Variants in SSC4D observed in about 807,000 individuals in gnomAD.
SSC4D encodes scavenger receptor cysteine-rich domain-containing group B protein.
In SSC4D, 57 loss-of-function variants were observed where a neutral mutation model predicts 63.4. The ratio of observed to expected loss-of-function variants is 0.90; its 90% CI spans 0.73 to 1.12. SSC4D has a LOEUF of 1.12. Ranked by LOEUF, SSC4D falls within the 50% of genes most tolerant of loss-of-function variation. The pLI, the probability that SSC4D is intolerant of heterozygous loss-of-function variation, is 0.00. For synonymous variants in SSC4D, 352 were observed against 345.4 expected (o/e 1.02, Z -0.21); for missense variants, 791 against 806.4 (o/e 0.98, Z 0.23).
intron 1 of SSC4D, among the ~76,000 whole-genome samples, chr7:76,405,271 T>TTTTA (rs1287607628): frequency 4.4e-3 from 40 of 9,132 alleles, no homozygotes; most frequent in East Asian, 7.8e-3. Flanking sequence ...ACCCAGCTAA[T>TTTTA]TATATATATA....
At chr7:76,404,728 C>G (rs1379234266) in intron 1 of SSC4D, among the ~76,000 whole-genome samples, 2 of 151,746 alleles carry the variant, frequency 1.3e-5, no homozygotes, top group South Asian at 2.1e-4. Context: ...CCCAGGAGAT[C>G]GAGATATAGC....
intron 4 of SSC4D, among the ~76,000 whole-genome samples, chr7:76,399,716 T>G (rs1804753564): frequency 6.6e-6 from 1 of 151,982 alleles, no homozygotes; most frequent in Non-Finnish European, 1.5e-5. Flanking sequence ...TTCGTAGAGA[T>G]AAGGTACTAT....
rs1804560148 is a variant in SSC4D, at chr7:76,393,734, C to T, written c.1022-18G>A. 2 of 1,414,588 alleles carry T rather than the reference C, an allele frequency of 1.4e-6. No individual in the cohort carries two copies. Among genetic ancestry groups the T allele is most frequent in the Non-Finnish European group, 1.8e-6 (2 of 1,089,360 alleles). The allele number at this position is 1,414,588 out of a possible 1,614,324, so 87.6% of individuals were successfully genotyped here. A position where few individuals can be genotyped will look rare whatever the true frequency, so the allele number is the denominator to read the frequency against. ...CCGTCCACCTGCGGGGCGCACAGGC[C>T]CGCGGCCAGAGGGGCTGGGCTGGGG... is the stretch of plus-strand genomic sequence containing the variant. On this transcript the variant is annotated intron_variant, in intron 8 of 10. Coordinates refer to ENST00000275560, the MANE Select transcript of SSC4D (RefSeq NM_080744.2).
In SSC4D at chr7:76,400,388, C is replaced by T. The variant is rs749063727; in HGVS notation, c.373G>A (p.Val125Met). 8.1e-6 allele frequency: 13 copies of T among 1,597,012 alleles called. No homozygotes were observed. The Admixed American group carries it at 1.0e-4, about 13-fold the overall frequency. Residue 125 changes from valine (V) to methionine (M), a missense_variant, in exon 4 of 11, where the codon GTG becomes ATG. By Grantham distance (21) the Val-to-Met change is conservative. Transcript: ENST00000275560. ...QGRGPILLDNVECRGQEAALS... is the reference protein window; with the variant it reads ...QGRGPILLDNMECRGQEAALS... ...GCAGCTTCCTGCCCGCGGCACTCCA[C>T]GTTGTCCAGCAGGATGGGGCCTCGG...
At chr7:76,395,169 C>T (rs1408407562) in intron 7 of SSC4D, 84 bp downstream of exon 7, 3 of 1,528,150 alleles carry the variant, frequency 2.0e-6, no homozygotes, top group Non-Finnish European at 2.7e-6. Flanking sequence ...GGGCCCCCGC[C>T]TGTGAATCCA....
At chr7:76,407,583 A>G (rs575510264) in intron 1 of SSC4D, among the ~76,000 whole-genome samples, 1 of 152,168 alleles carries the variant, frequency 6.6e-6, no homozygotes, top group East Asian at 1.9e-4. Context: ...CTAAAAAACA[A>G]TTAGCTGGGC....
intron 1 of SSC4D, among the ~76,000 whole-genome samples, chr7:76,407,915 A>G (rs773947915): frequency 6.6e-6 from 1 of 152,044 alleles, no homozygotes; most frequent in Non-Finnish European, 1.5e-5. Context: ...AAGCTGGTTT[A>G]GAGGCTGATG....
rs1221149157 is a variant in SSC4D at position 76,393,589 on chromosome 7, G to A, written c.1149C>T (p.Arg383=). 2 of 1,508,904 alleles carry A rather than the reference G, an allele frequency of 1.3e-6. No homozygotes were observed. Among genetic ancestry groups the A allele is most frequent in the Non-Finnish European group, 1.8e-6 (2 of 1,135,262 alleles). 93.5% of individuals were successfully genotyped at this position (1,508,904 alleles called of 1,614,324 possible). Residue 383 remains arginine, a synonymous_variant, in exon 9 of 11, where the codon CGC becomes CGT. Coordinates refer to ENST00000275560, the MANE Select transcript of SSC4D (RefSeq NM_080744.2). The stretch of plus-strand genomic sequence containing the variant: ...CCAGCGCAGGCCCGCAGCCCGCTTC[G>A]CGGCAGGCCACGCGCGCGTCCGCAA... The part of the protein sequence containing the change: ...WDFADARVAC[R]EAGCGPALGA...
At chr7:76,408,090 C>T (rs533673659) in intron 1 of SSC4D, among the ~76,000 whole-genome samples, 12 of 152,164 alleles carry the variant, frequency 7.9e-5, no homozygotes, top group South Asian at 4.1e-4. Flanking sequence ...TTGTAGGAGG[C>T]GGCGGTAGAG....
intron 10 of SSC4D, 138 bp from the exon 11 acceptor site, chr7:76,390,513 G>T: frequency 1.3e-6 from 1 of 790,130 alleles, no homozygotes; most frequent in Non-Finnish European, 1.9e-6. Context: ...GCAGACACAT[G>T]AAATTAAAGT....
chr7:76,392,898 G>A (rs569771540), intron 9 of SSC4D, among the ~76,000 whole-genome samples: 1 of 152,206 alleles, frequency 6.6e-6, no homozygotes, highest in African/African-American at 2.4e-5. Context: ...CTAGCCCTGG[G>A]GCACCAAATG....
chr7:76,399,318 C>T (rs554771583), intron 4 of SSC4D, among the ~76,000 whole-genome samples: 1 of 152,108 alleles, frequency 6.6e-6, no homozygotes, highest in East Asian at 1.9e-4. Flanking sequence ...CAGCCTGAAG[C>T]ACAGTTCTTA....
At chr7:76,407,047 A>G (rs6465120) in intron 1 of SSC4D, among the ~76,000 whole-genome samples, 83,828 of 151,628 alleles carry the variant, frequency 0.55, 24,398 homozygotes, top group African/African-American at 0.73. Flanking sequence ...TGCAACCTCC[A>G]CCTCCTGGGT....
intron 10 of SSC4D, among the ~76,000 whole-genome samples, chr7:76,391,693 T>C (rs934631955): frequency 6.6e-6 from 1 of 152,114 alleles, no homozygotes; most frequent in African/African-American, 2.4e-5. Flanking sequence ...ATATTCTGAA[T>C]TTTTTCATTG....
chr7:76,404,739 C>T (rs1049286801), intron 1 of SSC4D, among the ~76,000 whole-genome samples: 1 of 150,964 alleles, frequency 6.6e-6, no homozygotes, highest in African/African-American at 2.4e-5. Flanking sequence ...GAGATATAGC[C>T]TGGGTAACAT....
intron 4 of SSC4D, among the ~76,000 whole-genome samples, chr7:76,399,510 A>G (rs35078049): frequency 0.18 from 27,795 of 151,840 alleles, 2,990 homozygotes; most frequent in East Asian, 0.32. Context: ...CGTGGAGCGC[A>G]TGGCCAGTGT....
intron 1 of SSC4D, among the ~76,000 whole-genome samples, chr7:76,407,957 G>C (rs968188536): frequency 1.3e-5 from 2 of 152,178 alleles, no homozygotes; most frequent in Non-Finnish European, 2.9e-5. Flanking sequence ...ATAGGAGGCA[G>C]AGAGGAAGGA....
chr7:76,394,384 G>C (rs1278514187), intron 7 of SSC4D, among the ~76,000 whole-genome samples: 1 of 150,970 alleles, frequency 6.6e-6, no homozygotes, highest in Non-Finnish European at 1.5e-5. Flanking sequence ...TGCTAGGACT[G>C]GTGCGACCCA....
chr7:76,405,315 A>T (rs1446200293), intron 1 of SSC4D, among the ~76,000 whole-genome samples: 315 of 30,374 alleles, frequency 0.01, 33 homozygotes, highest in African/African-American at 0.054. Flanking sequence ...ATATATATAT[A>T]TGTATTTTTT....
Sources: gnomAD v4.1 joint callset for allele counts (sites outside exome capture counted in the v4.1 genomes callset) on GRCh38, gnomAD v4.1.1 for gene constraint, MANE v1.5 for transcripts, NCBI Gene and HGNC (gene_info 2026-07-23, HGNC 2026-07-21) for gene names.